The following KCNH7 variants were observed in gnomAD, a reference collection of about 807,000 sequenced individuals.
The protein encoded by KCNH7 is potassium voltage-gated channel subfamily H member 7, also known as voltage-gated inwardly rectifying potassium channel KCNH7.
Under a neutral mutation model 120.8 loss-of-function variants are expected in KCNH7, and 49 were observed. That is an observed-to-expected ratio of 0.41 (90% CI 0.32 to 0.51). The LOEUF is 0.51. KCNH7 is among the 20% of genes least tolerant of loss of function. The pLI is 0.38. For synonymous variants in KCNH7, 547 were observed against 516.1 expected (o/e 1.06, Z -0.81); for missense variants, 1,097 against 1,446.6 (o/e 0.76, Z 3.92).
intron 3 of KCNH7, among the ~76,000 whole-genome samples, chr2:162,526,034 G>A (rs961776770): frequency 1.3e-5 from 2 of 151,840 alleles, no homozygotes; most frequent in Admixed American, 1.3e-4. Context: ...CTAAGTGTCG[G>A]CCAGTCTGAG....
chr2:162,389,456 A>G lies in KCNH7; in HGVS notation c.2711-4517T>C, dbSNP rs182289617. Among the ~76,000 whole-genome samples, 452 of 152,070 alleles carry G rather than the reference A, an allele frequency of 3.0e-3. 3 individuals are homozygous for G. Among genetic ancestry groups the G allele is most frequent in the African/African-American group, 0.01 (427 of 41,532 alleles). On this transcript the variant is annotated intron_variant, in intron 12 of 15. Transcript: ENST00000332142. ...ACTTTATTCTTGAACATTATTCTTTATGCTTTTGGAAAAGGAAGCAGGAAA... is the reference window on the plus strand; with the variant it reads ...ACTTTATTCTTGAACATTATTCTTTGTGCTTTTGGAAAAGGAAGCAGGAAA...
At chr2:162,620,699 T>G (rs1472393722) in intron 2 of KCNH7, among the ~76,000 whole-genome samples, 1 of 152,174 alleles carries the variant, frequency 6.6e-6, no homozygotes, top group African/African-American at 2.4e-5. Flanking sequence ...TCCTCATTAT[T>G]TGTCTTCTGA....
intron 2 of KCNH7, among the ~76,000 whole-genome samples, chr2:162,715,751 T>C (rs1687097004): frequency 6.6e-6 from 1 of 152,200 alleles, no homozygotes; most frequent in African/African-American, 2.4e-5. Flanking sequence ...GGTACATATA[T>C]GTCTCTGTCT....
At chr2:162,464,641 C>G (rs1251102025) in intron 6 of KCNH7, among the ~76,000 whole-genome samples, 1 of 151,954 alleles carries the variant, frequency 6.6e-6, no homozygotes, top group Non-Finnish European at 1.5e-5. Context: ...TTAAATACAG[C>G]TAAAACTGCT....
intron 2 of KCNH7, among the ~76,000 whole-genome samples, chr2:162,549,631 T>C (rs1014586159): frequency 8.5e-5 from 13 of 152,104 alleles, no homozygotes; most frequent in African/African-American, 2.9e-4. Context: ...CTGAAAAAAA[T>C]AGAATGAACA....
intron 6 of KCNH7, among the ~76,000 whole-genome samples, chr2:162,448,599 A>G (rs935906998): frequency 2.6e-5 from 4 of 152,112 alleles, no homozygotes; most frequent in African/African-American, 9.7e-5. Flanking sequence ...GAGTTTGCTC[A>G]CTGCTTAGGT....
intron 2 of KCNH7, among the ~76,000 whole-genome samples, chr2:162,599,478 A>G (rs1217437257): frequency 6.6e-6 from 1 of 151,986 alleles, no homozygotes; most frequent in South Asian, 2.1e-4. Flanking sequence ...TTTATTTGTG[A>G]CCTAAATTCT....
chr2:162,813,654 A>G (rs1684812966), intron 2 of KCNH7, among the ~76,000 whole-genome samples: 1 of 152,234 alleles, frequency 6.6e-6, no homozygotes. Flanking sequence ...TAAGTCTGTC[A>G]TTAGGAAAAC....
chr2:162,783,032 T>C (rs530374318), intron 2 of KCNH7, among the ~76,000 whole-genome samples: 28 of 152,274 alleles, frequency 1.8e-4, no homozygotes, highest in African/African-American at 6.7e-4. Context: ...GTCCTAACTC[T>C]TCACTATGCA....
intron 2 of KCNH7, among the ~76,000 whole-genome samples, chr2:162,834,941 CA>C (rs1284691543): frequency 6.6e-6 from 1 of 152,040 alleles, no homozygotes; most frequent in Non-Finnish European, 1.5e-5. Flanking sequence ...GAAGTTACCA[CA>C]ATATAGACTG....
intron 2 of KCNH7, among the ~76,000 whole-genome samples, chr2:162,631,913 C>T (rs1683781641): frequency 6.6e-6 from 1 of 151,910 alleles, no homozygotes; most frequent in Admixed American, 6.6e-5. Flanking sequence ...GATTATCTAC[C>T]AGAAACCCAC....
chr2:162,806,687 G>A (rs958109134), intron 2 of KCNH7, among the ~76,000 whole-genome samples: 1 of 152,096 alleles, frequency 6.6e-6, no homozygotes, highest in Non-Finnish European at 1.5e-5. Context: ...GTTCTAATCT[G>A]GCAATGATAA....
At chr2:162,419,277 A>T (rs1205419524) in intron 9 of KCNH7, among the ~76,000 whole-genome samples, 1 of 147,436 alleles carries the variant, frequency 6.8e-6, no homozygotes. Context: ...CCCAGGCTAA[A>T]AAAAAAAAAA....
intron 9 of KCNH7, among the ~76,000 whole-genome samples, chr2:162,413,296 T>C (rs1687446217): frequency 6.6e-6 from 1 of 152,044 alleles, no homozygotes; most frequent in Admixed American, 6.6e-5. Context: ...GACCAGCTAA[T>C]TTTTGTATTT....
chr2:162,532,687 G>C (rs1691964537), intron 3 of KCNH7, among the ~76,000 whole-genome samples: 1 of 151,922 alleles, frequency 6.6e-6, no homozygotes, highest in Non-Finnish European at 1.5e-5. Flanking sequence ...TGTGTTTGGG[G>C]AATCTCTGAC....
At chr2:162,764,278 T>C (rs305681) in intron 2 of KCNH7, among the ~76,000 whole-genome samples, 148,721 of 152,164 alleles carry the variant, frequency 0.98, 72,740 homozygotes, top group East Asian at 1. Context: ...GAAGCCATCA[T>C]GCTTTGATTT....
At chr2:162,432,523 C>G (rs1414393919) in intron 8 of KCNH7, among the ~76,000 whole-genome samples, 1 of 151,930 alleles carries the variant, frequency 6.6e-6, no homozygotes, top group Non-Finnish European at 1.5e-5. Context: ...ATTTAAAAAT[C>G]AACGATCAGG....
At chr2:162,540,602 C>T (rs1278194107) in intron 2 of KCNH7, among the ~76,000 whole-genome samples, 1 of 151,930 alleles carries the variant, frequency 6.6e-6, no homozygotes, top group Non-Finnish European at 1.5e-5. Context: ...AGCATAGAAG[C>T]CAATGTAACT....
chr2:162,569,622 A>C (rs1447813605), intron 2 of KCNH7, among the ~76,000 whole-genome samples: 3 of 148,482 alleles, frequency 2.0e-5, no homozygotes, highest in Non-Finnish European at 3.0e-5. Flanking sequence ...TTGTGATGTT[A>C]GGGTGTCAAT....
Sources: gnomAD v4.1 joint callset for allele counts (sites outside exome capture counted in the v4.1 genomes callset) on GRCh38, gnomAD v4.1.1 for gene constraint, MANE v1.5 for transcripts, NCBI Gene and HGNC (gene_info 2026-07-23, HGNC 2026-07-21) for gene names.